Variants in IL1RAPL2 observed in about 807,000 individuals in gnomAD.
The protein encoded by IL1RAPL2 is X-linked interleukin-1 receptor accessory protein-like 2.
A neutral mutation model predicts 44.1 loss-of-function variants in IL1RAPL2; 3 were observed. That is an observed-to-expected ratio of 0.07 (90% confidence interval 0.03 to 0.18). The LOEUF (loss-of-function observed/expected upper bound fraction) is 0.18. Among genes scored for constraint, IL1RAPL2 ranks in the 10% least tolerant of loss-of-function variants. The probability of loss-of-function intolerance (pLI) is 1.00; values close to 1 mark genes in which losing one functional copy is unlikely to be tolerated. For synonymous variants in IL1RAPL2, 181 were observed against 178.8 expected (o/e 1.01, Z -0.10); for missense variants, 391 against 496.4 (o/e 0.79, Z 2.02).
intron 5 of IL1RAPL2, among the ~76,000 whole-genome samples, chrX:105,366,104 C>A (rs759930229): frequency 6.7e-4 from 74 of 110,906 alleles, no homozygotes; most frequent in African/African-American, 2.3e-3. Context: ...CCTGCCATCA[C>A]GCCTGGCTAA....
chrX:104,856,669 A>G (rs965645489), intron 2 of IL1RAPL2, among the ~76,000 whole-genome samples: 9 of 112,180 alleles, frequency 8.0e-5, no homozygotes, highest in Non-Finnish European at 1.1e-4. Flanking sequence ...AGTGTCTTAT[A>G]CATAATGATA....
intron 2 of IL1RAPL2, among the ~76,000 whole-genome samples, chrX:105,070,308 C>T (rs1390579708): frequency 2.7e-5 from 3 of 111,899 alleles, no homozygotes; most frequent in Non-Finnish European, 3.8e-5. Context: ...CTCTAGTTTG[C>T]TCAGGAAGGT....
At chrX:105,083,531 T>C (rs1435323723) in intron 2 of IL1RAPL2, among the ~76,000 whole-genome samples, 1 of 107,316 alleles carries the variant, frequency 9.3e-6, no homozygotes, top group African/African-American at 3.4e-5. Context: ...TTCCCCAAGG[T>C]TGAAATGAAG....
chrX:104,762,148 C>A (rs1220406164), intron 2 of IL1RAPL2, among the ~76,000 whole-genome samples: 1 of 109,043 alleles, frequency 9.2e-6, no homozygotes, highest in Non-Finnish European at 1.9e-5. Flanking sequence ...CAGGTGCCCA[C>A]CACCACGCCT....
At chrX:105,683,478 C>A (rs2037942289) in intron 6 of IL1RAPL2, among the ~76,000 whole-genome samples, 1 of 110,605 alleles carries the variant, frequency 9.0e-6, no homozygotes, top group African/African-American at 3.3e-5. Context: ...TCTTTGAATT[C>A]ATCAATAAGT....
chrX:105,199,767 C>T (rs1174002958), intron 3 of IL1RAPL2, among the ~76,000 whole-genome samples: 4 of 112,071 alleles, frequency 3.6e-5, no homozygotes, highest in African/African-American at 1.3e-4. Flanking sequence ...AACTTTTGTG[C>T]AGCAAGCCTT....
At chrX:105,484,198 T>C (rs1283083290) in intron 5 of IL1RAPL2, 115 bp from the exon 6 acceptor site, 12 of 562,484 alleles carry the variant, frequency 2.1e-5, no homozygotes, top group Non-Finnish European at 3.3e-5. Flanking sequence ...CACTGTCTAA[T>C]AAATGTTTAC....
Position 105,596,222 on chromosome X carries a change from G to C in IL1RAPL2, c.772+111835G>C, listed in dbSNP as rs113859727. Among the ~76,000 whole-genome samples, 130 of 109,799 alleles carry C rather than the reference G, an allele frequency of 1.2e-3. 2 individuals are homozygous for C. Among genetic ancestry groups the C allele is most frequent in the African/African-American group, 4.1e-3 (123 of 30,288 alleles). On this transcript the variant is annotated intron_variant, in intron 6 of 10. Coordinates refer to ENST00000372582, the MANE Select transcript of IL1RAPL2 (RefSeq NM_017416.2). ...TTTGCTATTCTTTTTCTAGTTCCTT[G>C]AGGGGTAATATTTGTTTTTTTATTT...
chrX:105,640,737 GATATAGATAGATATAGAT>G (rs1327842791), intron 6 of IL1RAPL2, among the ~76,000 whole-genome samples: 5 of 55,392 alleles, frequency 9.0e-5, no homozygotes, highest in African/African-American at 2.4e-4. Flanking sequence ...TATATATATA[GATATAGATAGATATAGAT>G]ATAGATATAG....
chrX:104,955,522 TC>T (rs931972643), intron 2 of IL1RAPL2, among the ~76,000 whole-genome samples: 5 of 106,938 alleles, frequency 4.7e-5, no homozygotes, highest in African/African-American at 1.7e-4. Flanking sequence ...TGTATTATAC[TC>T]CCATATATAT....
chrX:105,271,989 G>A (rs1437669039), intron 5 of IL1RAPL2, among the ~76,000 whole-genome samples: 1 of 109,775 alleles, frequency 9.1e-6, no homozygotes, highest in East Asian at 2.9e-4. Context: ...CTGCAAACAG[G>A]GATGAAATTG....
intron 5 of IL1RAPL2, among the ~76,000 whole-genome samples, chrX:105,330,675 CCTT>C (rs1183891124): frequency 1.8e-5 from 2 of 111,575 alleles, no homozygotes; most frequent in Non-Finnish European, 3.8e-5. Flanking sequence ...AATTAATAAT[CCTT>C]CTTTCACGTC....
intron 5 of IL1RAPL2, among the ~76,000 whole-genome samples, chrX:105,389,412 T>TA (rs779772945): frequency 9.6e-4 from 108 of 112,159 alleles, no homozygotes; most frequent in African/African-American, 3.4e-3. Context: ...CTCCCTCTCT[T>TA]AATTACCGAA....
chrX:104,848,446 TATATAA>T (rs1298976802), intron 2 of IL1RAPL2, among the ~76,000 whole-genome samples: 1 of 72,942 alleles, frequency 1.4e-5, no homozygotes, highest in African/African-American at 4.6e-5. Flanking sequence ...TATATATATA[TATATAA>T]CTTAAACAAT....
intron 6 of IL1RAPL2, among the ~76,000 whole-genome samples, chrX:105,502,900 T>G (rs1410467112): frequency 9.0e-6 from 1 of 110,711 alleles, no homozygotes; most frequent in Non-Finnish European, 1.9e-5. Flanking sequence ...CGTATTTTTT[T>G]TTGTCTGCAT....
At chrX:104,919,584 G>T (rs2147690489) in intron 2 of IL1RAPL2, among the ~76,000 whole-genome samples, 1 of 102,909 alleles carries the variant, frequency 9.7e-6, no homozygotes, top group South Asian at 4.8e-4. Context: ...AGGCTAGAGT[G>T]CAGTGGTGCG....
At position 105,349,277 on chromosome X, in the gene IL1RAPL2, C is replaced by A. The variant is rs780724389; in HGVS notation, c.697+81736C>A. Among the ~76,000 whole-genome samples the A allele has an allele frequency of 8.1e-5, 9 of 111,727 alleles. No individual in the cohort carries two copies. The South Asian group carries it at 3.4e-3, about 42-fold the overall frequency. ...AAGGGGAAAGGTTTTAAATTGTAATCCAGTTAGAAATTGTGATTTCCTTTT... is the reference window on the plus strand; with the variant it reads ...AAGGGGAAAGGTTTTAAATTGTAATACAGTTAGAAATTGTGATTTCCTTTT... On this transcript the variant is annotated intron_variant, in intron 5 of 10. Coordinates refer to ENST00000372582, the MANE Select transcript of IL1RAPL2 (RefSeq NM_017416.2).
intron 2 of IL1RAPL2, among the ~76,000 whole-genome samples, chrX:104,870,458 C>A (rs886536332): frequency 5.3e-5 from 6 of 112,512 alleles, no homozygotes; most frequent in African/African-American, 1.3e-4. Context: ...ATCTGGATTG[C>A]TCCAAAGTAG....
chrX:105,744,466 C>T (rs1217093821), intron 8 of IL1RAPL2, among the ~76,000 whole-genome samples: 1 of 111,267 alleles, frequency 9.0e-6, no homozygotes, highest in Admixed American at 9.6e-5. Context: ...TAAGCTTTAT[C>T]ACATCATAGC....
Sources: allele counts gnomAD v4.1 joint callset (sites outside exome capture counted in the v4.1 genomes callset), GRCh38; gene constraint gnomAD v4.1.1; transcripts MANE v1.5; gene names NCBI Gene and HGNC (gene_info 2026-07-23, HGNC 2026-07-21).